The following PLOD2 variants were observed in gnomAD, a reference collection of about 807,000 sequenced individuals.
PLOD2 encodes the protein procollagen-lysine,2-oxoglutarate 5-dioxygenase 2, also known as lysine hydroxylase 2.
In PLOD2, 65 loss-of-function variants were observed where a neutral mutation model predicts 101.0. The observed-to-expected ratio is 0.64, with a 90% confidence interval of 0.53 to 0.79. The LOEUF is 0.79. Among genes scored for constraint, PLOD2 ranks in the 30% least tolerant of loss-of-function variants. PLOD2 has a pLI of 0.00. For synonymous variants in PLOD2, 314 were observed against 302.9 expected, an observed-to-expected ratio of 1.04 and a Z score of -0.38; for missense variants, 909 against 914.6, an observed-to-expected ratio of 0.99 and a Z score of 0.08.
At chr3:146,127,649 G>A (rs200360560) in intron 1 of PLOD2, among the ~76,000 whole-genome samples, 32 of 152,132 alleles carry the variant, frequency 2.1e-4, no homozygotes, top group South Asian at 1.0e-3. Flanking sequence ...GAGTATAGGC[G>A]TCTTTTTTAT....
chr3:146,138,005 G>A (rs750504494), intron 1 of PLOD2, among the ~76,000 whole-genome samples: 4 of 152,138 alleles, frequency 2.6e-5, no homozygotes, highest in Non-Finnish European at 5.9e-5. Context: ...GTCAGAAATG[G>A]AGAGGGATTC....
intron 1 of PLOD2, among the ~76,000 whole-genome samples, chr3:146,124,457 T>C (rs2030422909): frequency 6.6e-6 from 1 of 152,142 alleles, no homozygotes; most frequent in Admixed American, 6.6e-5. Flanking sequence ...CAAAAAAGTA[T>C]ATTGATGATT....
At chr3:146,105,807 C>T (rs1453890727) in intron 5 of PLOD2, among the ~76,000 whole-genome samples, 1 of 152,116 alleles carries the variant, frequency 6.6e-6, no homozygotes, top group African/African-American at 2.4e-5. Flanking sequence ...AGCCTCTAGC[C>T]TATCTAGGAT....
At chr3:146,082,602 C>T (rs1381767069) in intron 11 of PLOD2, among the ~76,000 whole-genome samples, 1 of 151,972 alleles carries the variant, frequency 6.6e-6, no homozygotes, top group East Asian at 1.9e-4. Context: ...AATAAATAAA[C>T]ACACATCGGG....
chr3:146,104,603 T>C (rs935492423), intron 5 of PLOD2, among the ~76,000 whole-genome samples: 2 of 152,200 alleles, frequency 1.3e-5, no homozygotes, highest in African/African-American at 4.8e-5. Context: ...AACTTTTATA[T>C]CTGTATCCAA....
intron 1 of PLOD2, among the ~76,000 whole-genome samples, chr3:146,149,330 T>A (rs1467140612): frequency 6.6e-6 from 1 of 152,190 alleles, no homozygotes; most frequent in Non-Finnish European, 1.5e-5. Context: ...CTTGCATCAA[T>A]AAAGAATTTA....
rs148948195 is a variant in PLOD2 at position 146,161,062 on chromosome 3, G to A, written c.-73C>T. The A allele has an allele frequency of 2.1e-3, 2,402 of 1,136,564 alleles. 5 individuals carry two copies. The highest frequency in any genetic ancestry group is 2.8e-3 in the Non-Finnish European group (2,167 of 776,664). The allele number at this position is 1,136,564 out of a possible 1,614,324, so 70.4% of individuals were successfully genotyped here. ...GCGCCGCGCTTCTCGCGAGAACGCA[G>A]AGACCCGGGTCCGCCCTGAGCCGCC... On this transcript the variant is annotated 5_prime_UTR_variant, in exon 1 of 20. Coordinates refer to ENST00000282903, the MANE Select transcript of PLOD2 (RefSeq NM_182943.3).
chr3:146,087,043 C>T, intron 9 of PLOD2, 135 bp from the exon 10 acceptor site: 1 of 469,592 alleles, frequency 2.1e-6, no homozygotes, highest in Non-Finnish European at 3.7e-6. Flanking sequence ...AAAATAATAA[C>T]CATATTAAAC....
chr3:146,077,992 T>A, intron 13 of PLOD2, 68 bp from the exon 14 acceptor site: 1 of 860,194 alleles, frequency 1.2e-6, no homozygotes, highest in Non-Finnish European at 2.0e-6. Flanking sequence ...CTTTGGTAAA[T>A]AAAAATAATA....
chr3:146,151,381 C>G (rs186798955), intron 1 of PLOD2, among the ~76,000 whole-genome samples: 16 of 152,238 alleles, frequency 1.1e-4, no homozygotes, highest in South Asian at 2.1e-4. Flanking sequence ...CCTGTAATCC[C>G]AGCAACTGAG....
intron 11 of PLOD2, 77 bp from the exon 12 acceptor site, chr3:146,081,940 A>G: frequency 7.3e-7 from 1 of 1,373,190 alleles, no homozygotes; most frequent in Non-Finnish European, 1.0e-6. Context: ...AGAATTATGT[A>G]TTTTGGGCTT....
rs368177696 is a variant in PLOD2 at position 146,071,330 on chromosome 3, G to A, written c.1942C>T (p.Arg648Trp). Reference sequence around the variant, plus strand: ...AGTGTAACTGGTGCAATGAACTCCCGGATAAAATGAAGCCATACATTCTCC... The same window carrying A: ...AGTGTAACTGGTGCAATGAACTCCCAGATAAAATGAAGCCATACATTCTCC... The part of the protein sequence containing the change: ...DLENVWLHFI[R>W]EFIAPVTLKV... The change falls in exon 18 of 20, where the codon CGG (arginine) becomes TGG (tryptophan). Residue 648 changes from arginine to tryptophan, a missense_variant. By Grantham distance (101) the Arg-to-Trp change is moderately radical. Coordinates refer to ENST00000282903, the MANE Select transcript of PLOD2 (RefSeq NM_182943.3). 1.4e-5 allele frequency: 23 copies of A among 1,612,114 alleles called. No homozygotes were observed. The highest frequency in any genetic ancestry group is 1.7e-4 in the Middle Eastern group (1 of 6,046).
intron 3 of PLOD2, among the ~76,000 whole-genome samples, chr3:146,118,986 C>T (rs939429901): frequency 7.8e-4 from 118 of 152,146 alleles, no homozygotes; most frequent in African/African-American, 2.5e-3. Flanking sequence ...TCTTTAATTA[C>T]ATCATCTCAG....
At chr3:146,107,429 C>T (rs1438785820) in intron 4 of PLOD2, among the ~76,000 whole-genome samples, 1 of 152,014 alleles carries the variant, frequency 6.6e-6, no homozygotes, top group Non-Finnish European at 1.5e-5. Flanking sequence ...ACATTCAATA[C>T]TTTTAAAAAG....
Position 146,071,158 on chromosome 3 carries a change from G to A in PLOD2, c.2005C>T (p.Leu669=). ...FAGYYTKGFA[L]LNFVVKYSPE... is the part of the protein sequence containing the mutation. The stretch of plus-strand genomic sequence containing the variant: ...GAGTATTTTACTACAAAATTCAGTA[G>A]TGCAAATCCCTGAAAAAGCAAAGTA... Residue 669 remains leucine, a synonymous_variant, in exon 19 of 20, where the codon CTA becomes TTA. Transcript: ENST00000282903. 6.2e-7 allele frequency: 1 copy of A among 1,611,162 alleles called. No homozygotes were observed. The highest frequency in any genetic ancestry group is 8.5e-7 in the Non-Finnish European group (1 of 1,178,208).
intron 3 of PLOD2, among the ~76,000 whole-genome samples, chr3:146,117,566 C>T (rs1937968781): frequency 6.6e-6 from 1 of 152,028 alleles, no homozygotes; most frequent in African/African-American, 2.4e-5. Flanking sequence ...TCTCATGACC[C>T]CTAGGTTTTT....
intron 2 of PLOD2, chr3:146,123,155 A>C (rs1031428408): frequency 3.7e-5 from 8 of 213,608 alleles, no homozygotes; most frequent in Non-Finnish European, 6.4e-5. Context: ...TGGTTATTTA[A>C]TAAAAACTAC....
Position 146,072,665 on chromosome 3 carries a change from G to C in PLOD2, c.1744C>G (p.Pro582Ala), listed in dbSNP as rs374567883. The C allele has an allele frequency of 1.1e-5, 17 of 1,576,490 alleles. No homozygotes were observed. The highest frequency in any genetic ancestry group is 1.4e-5 in the Non-Finnish European group (16 of 1,146,886). ...GGGAACCAAAAGACATCTGGACAGG[G>C]CTATAAAATATGCATCATCGTTAGA... ...KIFTENIVEQ[P>A]CPDVFWFPIF... The change falls in exon 17 of 20, where the codon CCC becomes GCC. Residue 582 changes from proline to alanine, a missense_variant and splice_region_variant. Transcript: ENST00000282903.
At chr3:146,143,603 C>G (rs1225859108) in intron 1 of PLOD2, among the ~76,000 whole-genome samples, 1 of 152,008 alleles carries the variant, frequency 6.6e-6, no homozygotes, top group Non-Finnish European at 1.5e-5. Context: ...TCCCTTCTTT[C>G]TACTGGCCGG....
Sources: allele counts gnomAD v4.1 joint callset (sites outside exome capture counted in the v4.1 genomes callset), GRCh38; gene constraint gnomAD v4.1.1; transcripts MANE v1.5; gene names NCBI Gene and HGNC (gene_info 2026-07-23, HGNC 2026-07-21).